COBL: variants seen among roughly 807,000 people sequenced by gnomAD.
COBL encodes the protein protein cordon-bleu.
A neutral mutation model predicts 98.8 loss-of-function variants in COBL; 51 were observed. That is an observed-to-expected ratio of 0.52 (90% CI 0.41 to 0.65). COBL has a LOEUF of 0.65. Among genes scored for constraint, COBL ranks in the 30% least tolerant of loss-of-function variants. The pLI is 0.00. For missense variants in COBL, 1,617 were observed against 1,617.5 expected (o/e 1.00, Z 0.01); for synonymous variants, 634 against 651.7 (o/e 0.97, Z 0.41).
chr7:51,041,800 T>C (rs1425327389), intron 8 of COBL, among the ~76,000 whole-genome samples: 2 of 152,320 alleles, frequency 1.3e-5, no homozygotes, highest in East Asian at 3.9e-4. Flanking sequence ...ACCTTATTTC[T>C]GTTAACATTT....
intron 5 of COBL, 70 bp from the exon 6 acceptor site, chr7:51,136,401 T>C: frequency 6.8e-7 from 1 of 1,472,422 alleles, no homozygotes; most frequent in South Asian, 1.4e-5. Flanking sequence ...AATGCTCACA[T>C]GAAGACAAAG....
At chr7:51,182,654 G>A (rs539834019) in intron 5 of COBL, among the ~76,000 whole-genome samples, 78 of 149,730 alleles carry the variant, frequency 5.2e-4, no homozygotes, top group African/African-American at 1.8e-3. Context: ...GGGAGAGTAG[G>A]GGGGAAGAGA....
At position 51,316,781 on chromosome 7, in the gene COBL, G is replaced by T. The variant is rs564099029; in HGVS notation, c.-148C>A. ...CCGGCGGAGGACAGCGGCGGAGCGC[G>T]GCGGACGGAAGGGGCTGGAATCGTC... On this transcript the variant is annotated 5_prime_UTR_variant, in exon 1 of 13. Transcript: ENST00000265136. 4 of 587,208 alleles carry T rather than the reference G, an allele frequency of 6.8e-6. No individual in the cohort carries two copies. The highest frequency in any genetic ancestry group is 5.9e-5 in the African/African-American group (3 of 50,564). 36.4% of individuals were successfully genotyped at this position (587,208 alleles called of 1,614,324 possible).
intron 5 of COBL, among the ~76,000 whole-genome samples, chr7:51,176,129 G>T (rs778648074): frequency 1.3e-5 from 2 of 152,178 alleles, no homozygotes; most frequent in Non-Finnish European, 2.9e-5. Flanking sequence ...TTTTCTGGTG[G>T]CTCTGGGTCT....
intron 1 of COBL, among the ~76,000 whole-genome samples, chr7:51,274,498 C>T (rs1176515963): frequency 1.3e-5 from 2 of 152,202 alleles, no homozygotes; most frequent in East Asian, 3.9e-4. Context: ...ATTCATTATC[C>T]ATGAAAGAAG....
intron 8 of COBL, among the ~76,000 whole-genome samples, chr7:51,037,148 A>T (rs1788730371): frequency 6.6e-6 from 1 of 152,204 alleles, no homozygotes; most frequent in African/African-American, 2.4e-5. Flanking sequence ...TTTTTCAAAC[A>T]TGTTATAAAT....
At chr7:51,233,272 G>A (rs1012475655) in intron 1 of COBL, among the ~76,000 whole-genome samples, 2 of 152,138 alleles carry the variant, frequency 1.3e-5, no homozygotes, top group Non-Finnish European at 2.9e-5. Context: ...TGGCAAAACC[G>A]ACAGTTTTCT....
intron 1 of COBL, among the ~76,000 whole-genome samples, chr7:51,242,110 C>T (rs1052480742): frequency 6.6e-6 from 1 of 152,186 alleles, no homozygotes; most frequent in African/African-American, 2.4e-5. Context: ...TTTGTAACTT[C>T]ACTTCAGCTT....
intron 2 of COBL, among the ~76,000 whole-genome samples, chr7:51,194,844 G>A (rs1426715195): frequency 2.0e-5 from 3 of 151,958 alleles, no homozygotes; most frequent in Non-Finnish European, 2.9e-5. Flanking sequence ...TGTGCACAAC[G>A]TGCAGGTTTT....
intron 5 of COBL, among the ~76,000 whole-genome samples, chr7:51,146,782 C>T (rs762565372): frequency 7.2e-5 from 11 of 152,186 alleles, no homozygotes; most frequent in Non-Finnish European, 1.0e-4. Context: ...GCAAGGAATA[C>T]GGGATATTCC....
In COBL at chr7:51,107,283, C is replaced by T. The variant is rs544171261; in HGVS notation, c.958-21979G>A. 1.5e-3 allele frequency among the ~76,000 whole-genome samples: 232 copies of T among 151,898 alleles called. 1 individual carries two copies. The highest frequency in any genetic ancestry group is 2.8e-3 in the Non-Finnish European group (188 of 67,942). On this transcript the variant is annotated intron_variant, in intron 6 of 12. Coordinates refer to ENST00000265136, the MANE Select transcript of COBL (RefSeq NM_015198.5). ...CTAATATTTGTATTTTTAGTAGAGA[C>T]GGGGTTTCACCATATTGGTCAGGCT...
chr7:51,087,615 CA>C (rs1794402854), intron 6 of COBL, among the ~76,000 whole-genome samples: 1 of 151,892 alleles, frequency 6.6e-6, no homozygotes. Context: ...GCTGGGACTA[CA>C]GGCACTGCCA....
intron 1 of COBL, among the ~76,000 whole-genome samples, chr7:51,283,379 A>G (rs1799976727): frequency 6.6e-6 from 1 of 152,240 alleles, no homozygotes; most frequent in African/African-American, 2.4e-5. Flanking sequence ...AGCAACTTTA[A>G]ATGACACAGA....
chr7:51,216,918 C>T (rs986651792), intron 2 of COBL, among the ~76,000 whole-genome samples: 7 of 152,210 alleles, frequency 4.6e-5, no homozygotes, highest in African/African-American at 1.7e-4. Flanking sequence ...AGGAATTTAA[C>T]TGCAGCCCAC....
At chr7:51,220,170 T>C (rs1399272290) in intron 1 of COBL, among the ~76,000 whole-genome samples, 1 of 152,150 alleles carries the variant, frequency 6.6e-6, no homozygotes, top group African/African-American at 2.4e-5. Flanking sequence ...CTTAAAAACA[T>C]GCTTGCTGTC....
At chr7:51,159,766 T>C (rs1264146302) in intron 5 of COBL, among the ~76,000 whole-genome samples, 2 of 152,150 alleles carry the variant, frequency 1.3e-5, no homozygotes, top group Admixed American at 1.3e-4. Context: ...TCTATGTGTA[T>C]ACTACTCCCA....
intron 1 of COBL, among the ~76,000 whole-genome samples, chr7:51,284,893 T>C (rs1800186538): frequency 6.6e-6 from 1 of 151,890 alleles, no homozygotes; most frequent in Admixed American, 6.6e-5. Context: ...GACTGAATGT[T>C]TTCCCCTAAG....
intron 11 of COBL, 63 bp downstream of exon 11, chr7:51,026,483 C>A: frequency 1.9e-6 from 3 of 1,588,584 alleles, no homozygotes; most frequent in South Asian, 1.1e-5. Flanking sequence ...CACCCAAGTG[C>A]CTCGGAAGAA....
intron 1 of COBL, among the ~76,000 whole-genome samples, chr7:51,238,223 C>A (rs2129117187): frequency 6.6e-6 from 1 of 152,300 alleles, no homozygotes; most frequent in East Asian, 1.9e-4. Context: ...GTTTTGTATC[C>A]TGAAGCACGG....
Sources: gnomAD v4.1 joint callset for allele counts (sites outside exome capture counted in the v4.1 genomes callset) on GRCh38, gnomAD v4.1.1 for gene constraint, MANE v1.5 for transcripts, NCBI Gene and HGNC (gene_info 2026-07-23, HGNC 2026-07-21) for gene names.